FBLN7: variants seen among roughly 807,000 people sequenced by gnomAD.
FBLN7 encodes the protein fibulin-7.
In FBLN7, 31 loss-of-function variants were observed where a neutral mutation model predicts 44.0. The observed-to-expected ratio is 0.70, with a 90% CI of 0.53 to 0.95. FBLN7 has a LOEUF of 0.95. FBLN7 is among the 40% of genes least tolerant of loss of function. The pLI is 0.00. For missense variants in FBLN7, 573 were observed against 618.5 expected, an observed-to-expected ratio of 0.93 and a Z score of 0.78; for synonymous variants, 262 against 253.4, an observed-to-expected ratio of 1.03 and a Z score of -0.32.
At chr2:112,148,133 G>T (rs1371272745) in intron 1 of FBLN7, among the ~76,000 whole-genome samples, 1 of 152,180 alleles carries the variant, frequency 6.6e-6, no homozygotes, top group Non-Finnish European at 1.5e-5. Flanking sequence ...ACAAAAGCTT[G>T]CTCCTTTCCG....
chr2:112,176,934 ATTT>A (rs11301330), intron 4 of FBLN7: 42 of 143,596 alleles, frequency 2.9e-4, no homozygotes, highest in African/African-American at 4.6e-4. Flanking sequence ...CCACTGTGGG[ATTT>A]TTTTTTTTTT....
Position 112,138,391 on chromosome 2 carries a change from C to G in FBLN7, c.-265C>G, listed in dbSNP as rs1229480069. 5.1e-6 allele frequency: 1 copy of G among 195,012 alleles called. No homozygotes were observed. Among genetic ancestry groups the G allele is most frequent in the African/African-American group, 2.4e-5 (1 of 42,308 alleles). The allele number at this position is 195,012 out of a possible 1,614,324, so 12.1% of individuals were successfully genotyped here. A position where few individuals can be genotyped will look rare whatever the true frequency, so the allele number is the denominator to read the frequency against. On this transcript the variant is annotated 5_prime_UTR_variant, in exon 1 of 8. Coordinates refer to ENST00000331203, the MANE Select transcript of FBLN7 (RefSeq NM_153214.3). ...CAGCCCCTCCTCCCTCGTCCTTAGC[C>G]CAGGGGCCGGCGCCTCCCCGCCTCG...
intron 6 of FBLN7, among the ~76,000 whole-genome samples, chr2:112,184,077 A>T (rs1173163973): frequency 1.3e-5 from 2 of 152,148 alleles, no homozygotes; most frequent in African/African-American, 4.8e-5. Flanking sequence ...CCCAAGTGGG[A>T]TCATCCTGAC....
chr2:112,174,666 A>T (rs1321995662), intron 3 of FBLN7, among the ~76,000 whole-genome samples: 1 of 152,204 alleles, frequency 6.6e-6, no homozygotes, highest in Non-Finnish European at 1.5e-5. Flanking sequence ...GGGAATTCAT[A>T]ACAAGCACAT....
chr2:112,156,081 TC>T (rs1407598127), intron 1 of FBLN7, among the ~76,000 whole-genome samples: 5 of 151,926 alleles, frequency 3.3e-5, no homozygotes, highest in Admixed American at 3.3e-4. Context: ...CAAGGACGTC[TC>T]CTCCACCTTC....
chr2:112,182,031 C>T (rs1683028604), intron 5 of FBLN7, 155 bp downstream of exon 5: 1 of 900,656 alleles, frequency 1.1e-6, no homozygotes, highest in Non-Finnish European at 1.6e-6. Context: ...AAGTGTTGAC[C>T]TAGTGATGGC....
chr2:112,238,145 G>C, the FBLN7 span, among the ~76,000 whole-genome samples: 2 of 152,128 alleles, frequency 1.3e-5, no homozygotes, highest in African/African-American at 2.4e-5. Context: ...CAAGTGGCCA[G>C]GTCTCAGATG....
intron 2 of FBLN7, among the ~76,000 whole-genome samples, chr2:112,160,780 ACGCACGCACACGCACACACG>A (rs1681795574): frequency 7.0e-6 from 1 of 142,220 alleles, no homozygotes; most frequent in Non-Finnish European, 1.5e-5. Flanking sequence ...GCAGACGCAC[ACGCACGCACACGCACACACG>A]CACGCACACA....
chr2:112,178,988 A>C (rs575808425), intron 4 of FBLN7, among the ~76,000 whole-genome samples: 2 of 152,324 alleles, frequency 1.3e-5, no homozygotes, highest in East Asian at 3.9e-4. Context: ...TCCTGGCGAG[A>C]GCAACAGGCG....
At chr2:112,148,130 C>T (rs1240130361) in intron 1 of FBLN7, among the ~76,000 whole-genome samples, 1 of 152,160 alleles carries the variant, frequency 6.6e-6, no homozygotes, top group Non-Finnish European at 1.5e-5. Context: ...AAAACAAAAG[C>T]TTGCTCCTTT....
In FBLN7 at chr2:112,147,028, C is replaced by CT. The variant is rs537423987; in HGVS notation, c.75+8305dup. 3.3e-5 allele frequency among the ~76,000 whole-genome samples: 5 copies of CT among 152,156 alleles called. No individual in the cohort carries two copies. The East Asian group carries it at 7.7e-4, about 23-fold the overall frequency. ...AATGGACATTGAATTTTTTCACATG[C>CT]TTTTTTTCTACTTCACTTGATATGG... On this transcript the variant is annotated intron_variant, in intron 1 of 7. Transcript: ENST00000331203.
the FBLN7 span, among the ~76,000 whole-genome samples, chr2:112,222,611 TG>T: frequency 6.6e-6 from 1 of 152,194 alleles, no homozygotes; most frequent in East Asian, 1.9e-4. Flanking sequence ...AATAGGATGG[TG>T]GTGACAGAAA....
intron 3 of FBLN7, among the ~76,000 whole-genome samples, chr2:112,173,155 C>T (rs1302918851): frequency 2.0e-5 from 3 of 152,156 alleles, no homozygotes; most frequent in South Asian, 2.1e-4. Context: ...CCTGTGTTTG[C>T]TCACGTTGGA....
At chr2:112,145,451 C>G (rs1275895064) in intron 1 of FBLN7, among the ~76,000 whole-genome samples, 1 of 151,920 alleles carries the variant, frequency 6.6e-6, no homozygotes, top group Admixed American at 6.6e-5. Flanking sequence ...TTTGAGCGCT[C>G]TTTATATATT....
downstream of FBLN7, chr2:112,190,512 C>A (rs1025140168): frequency 6.6e-6 from 1 of 152,114 alleles, no homozygotes; most frequent in Non-Finnish European, 1.5e-5. Context: ...TTCCAACATG[C>A]CCTGTGAGAG....
chr2:112,221,202 A>G, the FBLN7 span, among the ~76,000 whole-genome samples: 1 of 152,120 alleles, frequency 6.6e-6, no homozygotes, highest in African/African-American at 2.4e-5. Flanking sequence ...TTGAATTGTA[A>G]TCCCCAGTGT....
At chr2:112,162,418 C>T (rs1681927124) in intron 2 of FBLN7, among the ~76,000 whole-genome samples, 1 of 151,736 alleles carries the variant, frequency 6.6e-6, no homozygotes, top group South Asian at 2.1e-4. Context: ...ATATGAAGTA[C>T]CTCCCTCCTG....
At chr2:112,173,518 GAAAA>G (rs1682579499) in intron 3 of FBLN7, among the ~76,000 whole-genome samples, 1 of 151,818 alleles carries the variant, frequency 6.6e-6, no homozygotes, top group Non-Finnish European at 1.5e-5. Flanking sequence ...AGAAATAAAA[GAAAA>G]AAGTCAGGAA....
At chr2:112,144,776 C>T (rs1037334298) in intron 1 of FBLN7, among the ~76,000 whole-genome samples, 4 of 152,146 alleles carry the variant, frequency 2.6e-5, no homozygotes, top group South Asian at 4.1e-4. Context: ...CCACCCGCCT[C>T]GGCCTCCCAA....
Sources: allele counts gnomAD v4.1 joint callset (sites outside exome capture counted in the v4.1 genomes callset), GRCh38; gene constraint gnomAD v4.1.1; transcripts MANE v1.5; gene names NCBI Gene and HGNC (gene_info 2026-07-23, HGNC 2026-07-21).